The following CNGB1 variants were observed in gnomAD, a reference collection of about 807,000 sequenced individuals.
CNGB1 encodes cyclic nucleotide gated channel subunit beta 1, also known as cyclic nucleotide-gated channel beta-1.
Under a neutral mutation model 151.7 loss-of-function variants are expected in CNGB1, and 126 were observed. That is an observed-to-expected ratio of 0.83 (90% CI 0.72 to 0.96). CNGB1 has a LOEUF of 0.96. Ranked by LOEUF, CNGB1 falls within the 40% of genes least tolerant of loss-of-function variation. CNGB1 has a pLI of 0.00. For missense variants in CNGB1, 1,698 were observed against 1,627.0 expected, an observed-to-expected ratio of 1.04 and a Z score of -0.75; for synonymous variants, 623 against 635.1, an observed-to-expected ratio of 0.98 and a Z score of 0.29.
At chr16:57,970,361 C>A (rs1281769050) in intron 1 of CNGB1, among the ~76,000 whole-genome samples, 1 of 152,142 alleles carries the variant, frequency 6.6e-6, no homozygotes, top group Non-Finnish European at 1.5e-5. Flanking sequence ...CTCGCTCTCA[C>A]CACCACGCCC....
At chr16:57,901,473 A>G (rs542631260) in intron 28 of CNGB1, 38 bp from the exon 29 acceptor site, 2 of 1,613,742 alleles carry the variant, frequency 1.2e-6, no homozygotes, top group African/African-American at 2.7e-5. Flanking sequence ...TTTTTAGAGA[A>G]GATTGGGCTT....
At chr16:57,909,123 C>T (rs1023368697) in intron 25 of CNGB1, among the ~76,000 whole-genome samples, 3 of 152,132 alleles carry the variant, frequency 2.0e-5, no homozygotes, top group Admixed American at 6.5e-5. Flanking sequence ...ACAAAATTAG[C>T]TAGGTGCAGT....
intron 14 of CNGB1, among the ~76,000 whole-genome samples, chr16:57,943,854 G>T (rs77905655): frequency 2.6e-5 from 4 of 151,986 alleles, no homozygotes; most frequent in Non-Finnish European, 4.4e-5. Context: ...AAAACAGTAC[G>T]TTGAAGAGGT....
chr16:57,917,997 T>C (rs976330569), intron 20 of CNGB1, among the ~76,000 whole-genome samples: 1 of 151,874 alleles, frequency 6.6e-6, no homozygotes, highest in Admixed American at 6.6e-5. Flanking sequence ...TAGTAAATAA[T>C]GCATGAAGGA....
chr16:57,940,838 C>T lies in CNGB1; in HGVS notation c.1122-517G>A, dbSNP rs575720106. Among the ~76,000 whole-genome samples the T allele has an allele frequency of 1.1e-4, 16 of 152,198 alleles. No homozygotes were observed. In the South Asian group the frequency reaches 3.3e-3, roughly 32 times the overall value. ...CAAACCTCAAACCCAGGCCCTGGTTCTTCCCATGCCATGAGATCAGAGCCA... is the reference window on the plus strand; with the variant it reads ...CAAACCTCAAACCCAGGCCCTGGTTTTTCCCATGCCATGAGATCAGAGCCA... On this transcript the variant is annotated intron_variant, in intron 14 of 32. Coordinates refer to ENST00000251102, the MANE Select transcript of CNGB1 (RefSeq NM_001297.5).
chr16:57,921,371 G>A (rs531670780), intron 18 of CNGB1, among the ~76,000 whole-genome samples: 12 of 151,914 alleles, frequency 7.9e-5, no homozygotes, highest in South Asian at 2.1e-4. Context: ...ACAGGTGCAC[G>A]CCACCAAGCC....
chr16:57,967,350 C>T (rs1210390024), intron 1 of CNGB1, 56 bp from the exon 2 acceptor site: 4 of 1,529,716 alleles, frequency 2.6e-6, no homozygotes, highest in African/African-American at 1.4e-5. Context: ...GCTCCCGCCA[C>T]TTATGGGCCA....
chr16:57,925,784 T>C (rs376034482), intron 17 of CNGB1, among the ~76,000 whole-genome samples: 1 of 151,576 alleles, frequency 6.6e-6, no homozygotes, highest in Non-Finnish European at 1.5e-5. Flanking sequence ...GCCTCCCGGG[T>C]TCAAGCAATT....
intron 22 of CNGB1, 35 bp from the exon 23 acceptor site, chr16:57,915,370 G>T (rs142218852): frequency 6.6e-7 from 1 of 1,525,606 alleles, no homozygotes; most frequent in Non-Finnish European, 9.1e-7. Flanking sequence ...GGGGTAAAAC[G>T]GATGACTCCA....
chr16:57,901,504 G>T, intron 28 of CNGB1, 24 bp downstream of exon 28: 1 of 1,612,214 alleles, frequency 6.2e-7, no homozygotes, highest in Non-Finnish European at 8.5e-7. Context: ...ACAGCCCTGA[G>T]CGTGAGGGCA....
At chr16:57,937,357 G>C (rs539676729) in intron 16 of CNGB1, 1 of 152,562 alleles carries the variant, frequency 6.6e-6, no homozygotes, top group African/African-American at 2.4e-5. Flanking sequence ...GTGACCCTGG[G>C]GACTGCAATT....
intron 14 of CNGB1, 49 bp downstream of exon 14, chr16:57,949,304 C>T: frequency 6.2e-7 from 1 of 1,602,046 alleles, no homozygotes; most frequent in Admixed American, 1.7e-5. Context: ...AGGAGCTCAG[C>T]CAACCCCAGC....
At chr16:57,886,781 A>G (rs1299956272) in intron 32 of CNGB1, among the ~76,000 whole-genome samples, 1 of 152,218 alleles carries the variant, frequency 6.6e-6, no homozygotes, top group African/African-American at 2.4e-5. Context: ...GGTCACAGAA[A>G]AAAGTCCCAG....
In CNGB1 at chr16:57,919,088, C is replaced by G. The variant is rs190910346; in HGVS notation, c.1957+11G>C. The G allele has an allele frequency of 5.0e-6, 8 of 1,614,078 alleles. No individual in the cohort carries two copies. Among genetic ancestry groups the G allele is most frequent in the African/African-American group, 1.3e-5 (1 of 74,954 alleles). On this transcript the variant is annotated intron_variant, in intron 20 of 32. Coordinates refer to ENST00000251102, the MANE Select transcript of CNGB1 (RefSeq NM_001297.5). ...CTTACACAGTGGGAACACCCATTCC[C>G]CAGGACTCACTGGTCAGCGGGTCAA...
At chr16:57,922,435 T>TTTC in intron 18 of CNGB1, among the ~76,000 whole-genome samples, 3 of 103,022 alleles carry the variant, frequency 2.9e-5, no homozygotes, top group Non-Finnish European at 7.2e-5. Flanking sequence ...TTCTTTCTTT[T>TTTC]TTTTTTTTTT....
chr16:57,965,937 T>C (rs1199658559), intron 2 of CNGB1, among the ~76,000 whole-genome samples: 2 of 152,206 alleles, frequency 1.3e-5, no homozygotes, highest in Non-Finnish European at 2.9e-5. Flanking sequence ...CACACATATA[T>C]GTACATATAC....
chr16:57,969,073 A>C (rs1962477608), intron 1 of CNGB1, among the ~76,000 whole-genome samples: 1 of 152,148 alleles, frequency 6.6e-6, no homozygotes, highest in South Asian at 2.1e-4. Context: ...TGGGAGGTGA[A>C]GGCAGGCAGA....
At position 57,903,699 on chromosome 16, in the gene CNGB1, GC is replaced by G. The variant is rs1960451580; in HGVS notation, c.2794+122del. ...AATGTTGGGGACACAGCCAAGACAG[GC>G]CCCAGTACTCGGGACCTCAGAGACA... On this transcript the variant is annotated intron_variant, in intron 27 of 32. Coordinates refer to ENST00000251102, the MANE Select transcript of CNGB1 (RefSeq NM_001297.5). 5 of 1,216,500 alleles carry G rather than the reference GC, an allele frequency of 4.1e-6. No homozygotes were observed. In the East Asian group the frequency reaches 1.3e-4, roughly 31 times the overall value. The allele number at this position is 1,216,500 out of a possible 1,614,324, so 75.4% of individuals were successfully genotyped here.
At chr16:57,960,779 C>G in intron 8 of CNGB1, 61 bp downstream of exon 8, 1 of 1,556,086 alleles carries the variant, frequency 6.4e-7, no homozygotes, top group East Asian at 2.3e-5. Context: ...GGCAGTCCCT[C>G]CTGGGGCCCC....
Sources: gnomAD v4.1 joint callset for allele counts (sites outside exome capture counted in the v4.1 genomes callset) on GRCh38, gnomAD v4.1.1 for gene constraint, MANE v1.5 for transcripts, NCBI Gene and HGNC (gene_info 2026-07-23, HGNC 2026-07-21) for gene names.